Variants in PPP3CC observed in about 807,000 individuals in gnomAD.
PPP3CC encodes the protein protein phosphatase 3 catalytic subunit gamma, also known as serine/threonine-protein phosphatase 2B catalytic subunit gamma isoform.
PPP3CC carries 35 observed loss-of-function variants against 60.3 expected under a neutral mutation model. The ratio of observed to expected loss-of-function variants is 0.58; its 90% CI spans 0.44 to 0.77. The LOEUF (loss-of-function observed/expected upper bound fraction) is 0.77, where lower values mean the gene tolerates loss of function less well. PPP3CC is among the 30% of genes least tolerant of loss of function. The probability of loss-of-function intolerance (pLI) is 0.00; values close to 1 mark genes in which losing one functional copy is unlikely to be tolerated. For missense variants in PPP3CC, 570 were observed against 628.9 expected (o/e 0.91, Z 1.00); for synonymous variants, 206 against 224.3 (o/e 0.92, Z 0.73).
intron 3 of PPP3CC, among the ~76,000 whole-genome samples, chr8:22,497,116 G>A (rs1191911543): frequency 6.6e-6 from 1 of 152,056 alleles, no homozygotes; most frequent in African/African-American, 2.4e-5. Context: ...GGCAACCTCC[G>A]CTTCCCGGGT....
chr8:22,456,567 T>C (rs1425364548), intron 1 of PPP3CC, among the ~76,000 whole-genome samples: 1 of 152,146 alleles, frequency 6.6e-6, no homozygotes, highest in Non-Finnish European at 1.5e-5. Flanking sequence ...AACCAGGAAA[T>C]TGACATTGGT....
chr8:22,474,469 C>T (rs1156514370), intron 1 of PPP3CC, among the ~76,000 whole-genome samples: 2 of 151,784 alleles, frequency 1.3e-5, no homozygotes, highest in African/African-American at 4.8e-5. Flanking sequence ...TTTGGGAGGC[C>T]GAGGCAGGTG....
At chr8:22,517,027 C>T (rs899488642) in intron 6 of PPP3CC, among the ~76,000 whole-genome samples, 1 of 152,050 alleles carries the variant, frequency 6.6e-6, no homozygotes, top group African/African-American at 2.4e-5. Context: ...ACCGGAGCCT[C>T]ACAGGAACTT....
In PPP3CC at chr8:22,451,945, T is replaced by G. The variant is rs1212266819; in HGVS notation, c.49+10487T>G. On this transcript the variant is annotated intron_variant, in intron 1 of 13. Transcript: ENST00000240139. ...GAAATGCTTCTGGTCCTAAGCACTT[T>G]GAATAAGAAGTCATACTTGTCGTCC... is the stretch of plus-strand genomic sequence containing the variant. 2.0e-5 allele frequency among the ~76,000 whole-genome samples: 3 copies of G among 152,140 alleles called. 1 individual carries two copies. Among genetic ancestry groups the G allele is most frequent in the Non-Finnish European group, 4.4e-5 (3 of 68,034 alleles).
At chr8:22,478,414 T>G (rs1327017603) in intron 3 of PPP3CC, among the ~76,000 whole-genome samples, 5 of 152,214 alleles carry the variant, frequency 3.3e-5, no homozygotes, top group African/African-American at 1.2e-4. Context: ...CCTTCCAAAG[T>G]GTTGGGATTA....
intron 1 of PPP3CC, among the ~76,000 whole-genome samples, chr8:22,460,501 C>A (rs186051872): frequency 1.5e-3 from 223 of 151,708 alleles, no homozygotes; most frequent in African/African-American, 5.1e-3. Context: ...CCAAAACTTT[C>A]GAAACTTTAA....
intron 1 of PPP3CC, among the ~76,000 whole-genome samples, chr8:22,442,009 G>A (rs1836688620): frequency 6.6e-6 from 1 of 152,136 alleles, no homozygotes; most frequent in Admixed American, 6.5e-5. Context: ...CTCTTGACAG[G>A]GTAATGGTAT....
chr8:22,469,755 G>A (rs775363683), intron 1 of PPP3CC, among the ~76,000 whole-genome samples: 36 of 152,062 alleles, frequency 2.4e-4, no homozygotes, highest in South Asian at 4.2e-4. Flanking sequence ...CCAGGTTGTC[G>A]AGTATCCTGC....
chr8:22,485,311 C>G (rs1838192881), intron 3 of PPP3CC, among the ~76,000 whole-genome samples: 1 of 152,096 alleles, frequency 6.6e-6, no homozygotes, highest in South Asian at 2.1e-4. Flanking sequence ...CCTTCTCCAA[C>G]TGAAAGAAAA....
chr8:22,510,134 G>A (rs574308046), intron 4 of PPP3CC, among the ~76,000 whole-genome samples: 1 of 143,058 alleles, frequency 7.0e-6, no homozygotes, highest in Non-Finnish European at 1.5e-5. Flanking sequence ...AGTGAGCTAA[G>A]ATCCCGCTAC....
At chr8:22,519,073 A>G (rs907632931) in intron 6 of PPP3CC, among the ~76,000 whole-genome samples, 4 of 152,190 alleles carry the variant, frequency 2.6e-5, no homozygotes, top group Non-Finnish European at 4.4e-5. Context: ...TTGGGCACAT[A>G]TATATTTATA....
chr8:22,468,554 C>A (rs1837618006), intron 1 of PPP3CC, among the ~76,000 whole-genome samples: 1 of 151,518 alleles, frequency 6.6e-6, no homozygotes, highest in African/African-American at 2.4e-5. Flanking sequence ...TTTTAATCAG[C>A]TGGCAAATTA....
chr8:22,530,829 C>CAAAAAAAAAAAAA (rs58626647), intron 10 of PPP3CC, among the ~76,000 whole-genome samples: 7 of 58,032 alleles, frequency 1.2e-4, no homozygotes, highest in African/African-American at 3.7e-4. Flanking sequence ...AGACTCATCT[C>CAAAAAAAAAAAAA]AAAAAAAAAA....
intron 1 of PPP3CC, among the ~76,000 whole-genome samples, chr8:22,470,611 A>G (rs1000405751): frequency 6.6e-5 from 10 of 152,228 alleles, no homozygotes; most frequent in African/African-American, 2.4e-4. Flanking sequence ...GAATTGAACA[A>G]GCACATCCCC....
At chr8:22,493,207 G>T (rs1362493464) in intron 3 of PPP3CC, among the ~76,000 whole-genome samples, 2 of 152,038 alleles carry the variant, frequency 1.3e-5, no homozygotes, top group African/African-American at 2.4e-5. Context: ...TTTGTTTATG[G>T]ATCTGATAAA....
At chr8:22,480,627 C>CT (rs397967093) in intron 3 of PPP3CC, among the ~76,000 whole-genome samples, 27 of 152,048 alleles carry the variant, frequency 1.8e-4, no homozygotes, top group African/African-American at 6.5e-4. Context: ...TACAGCCCCC[C>CT]ACCACCATGC....
intron 3 of PPP3CC, among the ~76,000 whole-genome samples, chr8:22,496,483 A>ATGTTTTTTTT (rs1563741124): frequency 1.3e-5 from 1 of 77,056 alleles, no homozygotes; most frequent in African/African-American, 4.8e-5. Flanking sequence ...GAGAACTGTA[A>ATGTTTTTTTT]TCTTTTTTTT....
At chr8:22,520,263 CTTTT>C (rs1210323932) in intron 6 of PPP3CC, among the ~76,000 whole-genome samples, 1 of 151,856 alleles carries the variant, frequency 6.6e-6, no homozygotes, top group Non-Finnish European at 1.5e-5. Flanking sequence ...CAGATTTTTT[CTTTT>C]TGAGTTTTAA....
In PPP3CC at chr8:22,513,306, C is replaced by T. The variant is rs748154020; in HGVS notation, c.644C>T (p.Thr215Met). 58 of 1,610,498 alleles carry T rather than the reference C, an allele frequency of 3.6e-5. No homozygotes were observed. Among genetic ancestry groups the T allele is most frequent in the South Asian group, 5.5e-5 (5 of 90,338 alleles). The change falls in exon 6 of 14, where the codon ACG (threonine) becomes ATG (methionine). Residue 215 changes from threonine to methionine, a missense_variant. Transcript: ENST00000240139. ...TGTGTCTTCTAGTTAGACAGGTTTA[C>T]GGAACCTCCCGCCTTTGGACCTGTG... is the stretch of plus-strand genomic sequence containing the variant. ...LDDIRKLDRF[T>M]EPPAFGPVCD...
Sources: gnomAD v4.1 joint callset for allele counts (sites outside exome capture counted in the v4.1 genomes callset) on GRCh38, gnomAD v4.1.1 for gene constraint, MANE v1.5 for transcripts, NCBI Gene and HGNC (gene_info 2026-07-23, HGNC 2026-07-21) for gene names.